The following HS3ST3A1 variants were observed in gnomAD, a reference collection of about 807,000 sequenced individuals.
The protein encoded by HS3ST3A1 is heparan sulfate glucosamine 3-O-sulfotransferase 3A1.
Under a neutral mutation model 25.7 loss-of-function variants are expected in HS3ST3A1, and 19 were observed. That is an observed-to-expected ratio of 0.74 (90% CI 0.52 to 1.08). HS3ST3A1 has a LOEUF of 1.08. Ranked by LOEUF, HS3ST3A1 falls within the 50% of genes least tolerant of loss-of-function variation. The pLI, the probability that HS3ST3A1 is intolerant of heterozygous loss-of-function variation, is 0.00. For synonymous variants in HS3ST3A1, 226 were observed against 278.6 expected, an observed-to-expected ratio of 0.81 and a Z score of 1.88; for missense variants, 459 against 594.3, an observed-to-expected ratio of 0.77 and a Z score of 2.37.
At chr17:13,574,356 A>G (rs1475326453) in intron 1 of HS3ST3A1, among the ~76,000 whole-genome samples, 1 of 150,988 alleles carries the variant, frequency 6.6e-6, no homozygotes, top group Admixed American at 6.6e-5. Flanking sequence ...GATGGTCTCG[A>G]ACTCCTGACC....
chr17:13,495,756 G>A lies in HS3ST3A1; in HGVS notation c.*441C>T, dbSNP rs191928954. 6.4e-6 allele frequency: 1 copy of A among 155,286 alleles called. No homozygotes were observed. The highest frequency in any genetic ancestry group is 1.4e-5 in the Non-Finnish European group (1 of 70,308). The allele number at this position is 155,286 out of a possible 1,614,324, so 9.6% of individuals were successfully genotyped here. A position where few individuals can be genotyped will look rare whatever the true frequency, so the allele number is the denominator to read the frequency against. On this transcript the variant is annotated 3_prime_UTR_variant, in exon 2 of 2. Transcript: ENST00000284110. ...GAAAGCACTATGAAAACTGTGACGG[G>A]TACAAACATATGATAATACTAACTG... is the stretch of plus-strand genomic sequence containing the variant.
chr17:13,512,531 A>G (rs914347465), intron 1 of HS3ST3A1, among the ~76,000 whole-genome samples: 3 of 152,234 alleles, frequency 2.0e-5, no homozygotes, highest in African/African-American at 7.2e-5. Context: ...AGTTTTATTG[A>G]AACATAGCCA....
At chr17:13,537,004 G>A (rs1426634747) in intron 1 of HS3ST3A1, among the ~76,000 whole-genome samples, 1 of 152,174 alleles carries the variant, frequency 6.6e-6, no homozygotes, top group Non-Finnish European at 1.5e-5. Context: ...TAAGGTCTGC[G>A]AAGGACAGTA....
At chr17:13,547,963 A>C (rs1055525003) in intron 1 of HS3ST3A1, among the ~76,000 whole-genome samples, 2 of 144,570 alleles carry the variant, frequency 1.4e-5, no homozygotes, top group Non-Finnish European at 3.0e-5. Context: ...AAAAAAAAAA[A>C]CCACACGTTT....
intron 1 of HS3ST3A1, among the ~76,000 whole-genome samples, chr17:13,591,198 A>T (rs967908308): frequency 4.0e-5 from 6 of 151,412 alleles, no homozygotes; most frequent in Non-Finnish European, 5.9e-5. Context: ...AGGCATGGCC[A>T]CCACACCCGG....
rs921538554 is a variant in HS3ST3A1 at position 13,601,226 on chromosome 17, G to A, written c.-97C>T. The A allele has an allele frequency of 8.8e-6, 8 of 909,578 alleles. No individual in the cohort carries two copies. The highest frequency in any genetic ancestry group is 3.9e-5 in the South Asian group (2 of 50,756). The allele number at this position is 909,578 out of a possible 1,614,324, so 56.3% of individuals were successfully genotyped here. A position where few individuals can be genotyped will look rare whatever the true frequency, so the allele number is the denominator to read the frequency against. On this transcript the variant is annotated 5_prime_UTR_variant, in exon 1 of 2. Coordinates refer to ENST00000284110, the MANE Select transcript of HS3ST3A1 (RefSeq NM_006042.3). ...CCCCCGGCGGGCCAGCGCGCTGGAC[G>A]GAGGCCACATCGCCGTGCGCCCCTG...
At chr17:13,543,787 A>G (rs1047776668) in intron 1 of HS3ST3A1, 2 of 152,588 alleles carry the variant, frequency 1.3e-5, no homozygotes, top group African/African-American at 2.4e-5. Flanking sequence ...CTACATAACA[A>G]AAGTGGGTAA....
chr17:13,566,077 AT>A (rs1266695032), intron 1 of HS3ST3A1, among the ~76,000 whole-genome samples: 1 of 152,188 alleles, frequency 6.6e-6, no homozygotes, highest in Non-Finnish European at 1.5e-5. Flanking sequence ...TTTACTGTGC[AT>A]TGCAGATATT....
At chr17:13,552,391 C>A (rs1828245826) in intron 1 of HS3ST3A1, among the ~76,000 whole-genome samples, 1 of 152,166 alleles carries the variant, frequency 6.6e-6, no homozygotes, top group African/African-American at 2.4e-5. Context: ...GGTTCTTGAA[C>A]ACTTTAATTT....
At chr17:13,518,864 G>A (rs1330338884) in intron 1 of HS3ST3A1, among the ~76,000 whole-genome samples, 1 of 152,174 alleles carries the variant, frequency 6.6e-6, no homozygotes, top group Non-Finnish European at 1.5e-5. Flanking sequence ...AGACACATAA[G>A]CAAGGCCAGC....
chr17:13,522,917 C>T (rs1243157170), intron 1 of HS3ST3A1, among the ~76,000 whole-genome samples: 1 of 150,814 alleles, frequency 6.6e-6, no homozygotes, highest in Non-Finnish European at 1.5e-5. Flanking sequence ...TCAGTTTTGG[C>T]CATAAGTTTG....
chr17:13,533,853 C>T (rs1906687426), intron 1 of HS3ST3A1, among the ~76,000 whole-genome samples: 1 of 152,144 alleles, frequency 6.6e-6, no homozygotes, highest in South Asian at 2.1e-4. Context: ...AAGAACTTAA[C>T]ATAGGAAGGA....
chr17:13,538,851 C>T (rs1906844728), intron 1 of HS3ST3A1, among the ~76,000 whole-genome samples: 1 of 152,130 alleles, frequency 6.6e-6, no homozygotes, highest in Non-Finnish European at 1.5e-5. Context: ...ATCTCTTGGC[C>T]AACTAACTGT....
At chr17:13,574,761 A>ACACAC (rs759280619) in intron 1 of HS3ST3A1, among the ~76,000 whole-genome samples, 7 of 103,836 alleles carry the variant, frequency 6.7e-5, no homozygotes, top group East Asian at 5.2e-4. Flanking sequence ...CACACACACA[A>ACACAC]AAAACACACA....
At chr17:13,573,368 G>A (rs1388026834) in intron 1 of HS3ST3A1, among the ~76,000 whole-genome samples, 1 of 152,088 alleles carries the variant, frequency 6.6e-6, no homozygotes, top group Non-Finnish European at 1.5e-5. Flanking sequence ...TGTTATGCCT[G>A]TCTCATGGAA....
chr17:13,591,948 C>T (rs1473930714), intron 1 of HS3ST3A1, among the ~76,000 whole-genome samples: 1 of 152,206 alleles, frequency 6.6e-6, no homozygotes, highest in Non-Finnish European at 1.5e-5. Flanking sequence ...GCATAAGCCA[C>T]CACACCTGGC....
chr17:13,522,026 T>TG (rs1309114792), intron 1 of HS3ST3A1, among the ~76,000 whole-genome samples: 1 of 152,168 alleles, frequency 6.6e-6, no homozygotes, highest in African/African-American at 2.4e-5. Flanking sequence ...AAATGTCTCC[T>TG]GGGGGCAAAA....
intron 1 of HS3ST3A1, among the ~76,000 whole-genome samples, chr17:13,585,050 G>A (rs1045487966): frequency 1.3e-5 from 2 of 151,924 alleles, no homozygotes; most frequent in Non-Finnish European, 2.9e-5. Flanking sequence ...TTGATACCAC[G>A]GACCTTGAAA....
intron 1 of HS3ST3A1, among the ~76,000 whole-genome samples, chr17:13,501,757 T>C (rs970363330): frequency 1.3e-5 from 2 of 152,240 alleles, no homozygotes; most frequent in South Asian, 4.1e-4. Flanking sequence ...TTCTTAAGAA[T>C]GTGACACCCA....
Sources: allele counts gnomAD v4.1 joint callset (sites outside exome capture counted in the v4.1 genomes callset), GRCh38; gene constraint gnomAD v4.1.1; transcripts MANE v1.5; gene names NCBI Gene and HGNC (gene_info 2026-07-23, HGNC 2026-07-21).